The following RAF1 variants were observed in gnomAD, a reference collection of about 807,000 sequenced individuals.
RAF1 encodes the protein Raf-1 proto-oncogene, serine/threonine kinase, also known as RAF proto-oncogene serine/threonine-protein kinase.
RAF1 carries 27 observed loss-of-function variants against 81.1 expected under a neutral mutation model. That is an observed-to-expected ratio of 0.33 (90% confidence interval 0.25 to 0.46). The LOEUF is 0.46. RAF1 is among the 20% of genes least tolerant of loss of function. The pLI is 1.00. For synonymous variants in RAF1, 298 were observed against 294.0 expected (o/e 1.01, Z -0.14); for missense variants, 598 against 826.0 (o/e 0.72, Z 3.38).
chr3:12,601,607 C>T (rs979554752), intron 8 of RAF1, among the ~76,000 whole-genome samples: 1 of 152,070 alleles, frequency 6.6e-6, no homozygotes, highest in Non-Finnish European at 1.5e-5. Flanking sequence ...AGACAAGATA[C>T]TTGTTCCACA....
At chr3:12,586,637 G>C (rs893795249) in intron 14 of RAF1, among the ~76,000 whole-genome samples, 1 of 152,112 alleles carries the variant, frequency 6.6e-6, no homozygotes, top group African/African-American at 2.4e-5. Flanking sequence ...CTGCTCAAGA[G>C]GCAAAACGTG....
rs1368001645 is a variant in RAF1, at chr3:12,593,785, CCTTT to C, written c.1169-1997_1169-1994del. 1.7e-3 allele frequency among the ~76,000 whole-genome samples: 198 copies of C among 119,548 alleles called. 1 individual carries two copies. Among genetic ancestry groups the C allele is most frequent in the African/African-American group, 3.5e-3 (99 of 28,594 alleles). 78.4% of individuals were successfully genotyped at this position (119,548 alleles called of 152,430 possible). Reference sequence around the variant, plus strand: ...AGTTCCCCAAGATGGGGGAGTAAATCCTTTTTTTTTTTTTTTTTTTCTTTTTTAG... The same window carrying C: ...AGTTCCCCAAGATGGGGGAGTAAATCTTTTTTTTTTTTTTTTCTTTTTTAG... On this transcript the variant is annotated intron_variant, in intron 11 of 17. Transcript: ENST00000442415.
At chr3:12,626,140 G>A (rs1381700807) in intron 1 of RAF1, among the ~76,000 whole-genome samples, 6 of 150,444 alleles carry the variant, frequency 4.0e-5, no homozygotes, top group African/African-American at 1.2e-4. Flanking sequence ...GGTGGTGCGC[G>A]CCTGTAATCC....
In RAF1 at chr3:12,651,289, CAA is replaced by C. The variant is rs1491463279; in HGVS notation, c.-27+12522_-27+12523del. ...TCCCTACATGCTTATAATCTCATACCAATATATATAGATTTTTTGCAATAATT... is the reference window on the plus strand; with the variant it reads ...TCCCTACATGCTTATAATCTCATACCTATATATAGATTTTTTGCAATAATT... On this transcript the variant is annotated intron_variant, in intron 1 of 17. Transcript: ENST00000442415. 2.2e-4 allele frequency among the ~76,000 whole-genome samples: 33 copies of C among 152,184 alleles called. No individual in the cohort carries two copies. The East Asian group carries it at 6.4e-3, about 29-fold the overall frequency.
chr3:12,658,394 G>C (rs549746876), intron 1 of RAF1, among the ~76,000 whole-genome samples: 3 of 152,292 alleles, frequency 2.0e-5, no homozygotes, highest in East Asian at 3.9e-4. Context: ...CCTGAGTTAG[G>C]GAGTTCAAGA....
At chr3:12,651,726 T>C (rs1428539235) in intron 1 of RAF1, among the ~76,000 whole-genome samples, 1 of 150,910 alleles carries the variant, frequency 6.6e-6, no homozygotes, top group Non-Finnish European at 1.5e-5. Flanking sequence ...ATTAAAAATA[T>C]GAGCTGGGCA....
chr3:12,595,901 G>A (rs1456268197), intron 11 of RAF1, among the ~76,000 whole-genome samples: 1 of 150,524 alleles, frequency 6.6e-6, no homozygotes, highest in South Asian at 2.1e-4. Context: ...TTGGACACAG[G>A]GTCTTGTTCT....
chr3:12,630,650 G>C (rs746259105), intron 1 of RAF1, among the ~76,000 whole-genome samples: 5 of 152,162 alleles, frequency 3.3e-5, no homozygotes, highest in Non-Finnish European at 5.9e-5. Flanking sequence ...ATGGTAAAAA[G>C]ATCATAGACT....
At chr3:12,606,450 G>C in intron 5 of RAF1, 151 bp from the exon 6 acceptor site, 1 of 684,028 alleles carries the variant, frequency 1.5e-6, no homozygotes, top group South Asian at 1.6e-5. Flanking sequence ...CTAGAATAAA[G>C]GGAACAATAT....
At chr3:12,591,890 G>T (rs893950726) in intron 11 of RAF1, 98 bp from the exon 11 acceptor site, 1 of 952,608 alleles carries the variant, frequency 1.0e-6, no homozygotes, top group Non-Finnish European at 1.7e-6. Flanking sequence ...TTTATCCAAA[G>T]AATCACATAC....
intron 2 of RAF1, among the ~76,000 whole-genome samples, chr3:12,612,314 TG>T (rs1489830506): frequency 6.6e-6 from 1 of 152,226 alleles, no homozygotes; most frequent in African/African-American, 2.4e-5. Context: ...ATATATTAAT[TG>T]GGGGAAAATA....
Position 12,609,176 on chromosome 3 carries a change from C to G in RAF1, c.423+57G>C, listed in dbSNP as rs1341918035. 6 of 1,330,264 alleles carry G rather than the reference C, an allele frequency of 4.5e-6. 1 individual carries two copies. Among genetic ancestry groups the G allele is most frequent in the South Asian group, 3.5e-5 (3 of 85,324 alleles). The allele number at this position is 1,330,264 out of a possible 1,614,324, so 82.4% of individuals were successfully genotyped here. On this transcript the variant is annotated intron_variant, in intron 4 of 17. Transcript: ENST00000442415. Reference sequence around the variant, plus strand: ...CATACGCATATTACCTGAGAAATCTCTGTTATGCCTGGCAAAGCCCTCAAC... The same window carrying G: ...CATACGCATATTACCTGAGAAATCTGTGTTATGCCTGGCAAAGCCCTCAAC...
chr3:12,646,192 G>C (rs889497190), intron 1 of RAF1, among the ~76,000 whole-genome samples: 1 of 152,192 alleles, frequency 6.6e-6, no homozygotes, highest in Non-Finnish European at 1.5e-5. Flanking sequence ...TAGGCTGGAA[G>C]TGCAGTAGCT....
At chr3:12,585,379 T>A in intron 15 of RAF1, 126 bp from the exon 15 acceptor site, 1 of 1,547,390 alleles carries the variant, frequency 6.5e-7, no homozygotes. Flanking sequence ...CCACATAGCT[T>A]TTCCCCCAAA....
chr3:12,593,195 T>C (rs929974202), intron 11 of RAF1, among the ~76,000 whole-genome samples: 2 of 151,636 alleles, frequency 1.3e-5, no homozygotes, highest in African/African-American at 4.8e-5. Context: ...TTCTCCTGCC[T>C]CAGCCTCCCG....
At chr3:12,649,553 C>G (rs908979351) in intron 1 of RAF1, among the ~76,000 whole-genome samples, 5 of 151,278 alleles carry the variant, frequency 3.3e-5, no homozygotes, top group African/African-American at 7.3e-5. Flanking sequence ...GAGCTATGAT[C>G]GTGCCACTGC....
At chr3:12,618,769 T>C in intron 1 of RAF1, 22 bp from the exon 2 acceptor site, 1 of 1,575,428 alleles carries the variant, frequency 6.3e-7, no homozygotes, top group African/African-American at 1.3e-5. Context: ...CACAAATAAT[T>C]GTAACTCTAG....
chr3:12,653,252 A>T (rs947534254), intron 1 of RAF1, among the ~76,000 whole-genome samples: 1 of 152,190 alleles, frequency 6.6e-6, no homozygotes, highest in South Asian at 2.1e-4. Context: ...ACTGCACTCC[A>T]GCCTGGGTGA....
chr3:12,629,142 A>C (rs1258760097), intron 1 of RAF1, among the ~76,000 whole-genome samples: 1 of 152,212 alleles, frequency 6.6e-6, no homozygotes, highest in East Asian at 1.9e-4. Flanking sequence ...ATGCAAAACC[A>C]ACGAAACAAT....
Sources: gnomAD v4.1 joint callset for allele counts (sites outside exome capture counted in the v4.1 genomes callset) on GRCh38, gnomAD v4.1.1 for gene constraint, MANE v1.5 for transcripts, NCBI Gene and HGNC (gene_info 2026-07-23, HGNC 2026-07-21) for gene names.